The following FHOD3 variants were observed in gnomAD, a reference collection of about 807,000 sequenced individuals.
The protein encoded by FHOD3 is FH1/FH2 domain-containing protein 3.
A neutral mutation model predicts 173.0 loss-of-function variants in FHOD3; 90 were observed. The observed-to-expected ratio is 0.52, with a 90% CI of 0.44 to 0.62. FHOD3 has a LOEUF of 0.62. Ranked by LOEUF, FHOD3 falls within the 20% of genes least tolerant of loss-of-function variation. FHOD3 has a pLI of 0.00. For synonymous variants in FHOD3, 828 were observed against 823.0 expected, an observed-to-expected ratio of 1.01 and a Z score of -0.10; for missense variants, 1,945 against 2,034.7, an observed-to-expected ratio of 0.96 and a Z score of 0.85.
chr18:36,459,658 C>G (rs1482202162), intron 3 of FHOD3, among the ~76,000 whole-genome samples: 2 of 152,008 alleles, frequency 1.3e-5, no homozygotes, highest in African/African-American at 2.4e-5. Context: ...AAAAGCAGAG[C>G]ATTTTGATTT....
At chr18:36,719,660 G>A (rs368428422) in intron 19 of FHOD3, among the ~76,000 whole-genome samples, 21 of 152,276 alleles carry the variant, frequency 1.4e-4, no homozygotes, top group African/African-American at 2.4e-4. Flanking sequence ...AACTCCCTGC[G>A]TTGCTGCATG....
intron 1 of FHOD3, among the ~76,000 whole-genome samples, chr18:36,343,833 G>A (rs538577293): frequency 3.9e-5 from 6 of 152,048 alleles, no homozygotes; most frequent in African/African-American, 1.2e-4. Flanking sequence ...AGACAACCAC[G>A]TATTGTATGA....
At chr18:36,746,213 T>G (rs890349558) in intron 23 of FHOD3, among the ~76,000 whole-genome samples, 39 of 152,210 alleles carry the variant, frequency 2.6e-4, no homozygotes, top group Non-Finnish European at 7.3e-5. Flanking sequence ...ATCTGTCCCT[T>G]GCATGTGTGA....
chr18:36,744,199 T>C lies in FHOD3; in HGVS notation c.4041+6T>C, dbSNP rs1245256325. 1 of 1,609,316 alleles carries C rather than the reference T, an allele frequency of 6.2e-7. No individual in the cohort carries two copies. Among genetic ancestry groups the C allele is most frequent in the Non-Finnish European group, 8.5e-7 (1 of 1,177,384 alleles). On this transcript the variant is annotated splice_donor_region_variant and intron_variant, in intron 23 of 28. Coordinates refer to ENST00000590592, the MANE Select transcript of FHOD3 (RefSeq NM_001281740.3). ...CCATCACCAGGTCAGCCAAGGTATG[T>C]CTGTGGACGCTGAGGAGTGGGCCTG...
Position 36,718,291 on chromosome 18 carries a change from C to T in FHOD3, c.2993C>T (p.Thr998Ile). The T allele has an allele frequency of 1.9e-6, 3 of 1,614,178 alleles. No individual in the cohort carries two copies. The highest frequency in any genetic ancestry group is 2.5e-6 in the Non-Finnish European group (3 of 1,180,042). ...CTCAGAATCCAAGACATGGATTTCACTGACCTGGGGGAGGAGGATGACATT... is the reference window on the plus strand; with the variant it reads ...CTCAGAATCCAAGACATGGATTTCATTGACCTGGGGGAGGAGGATGACATT... ...RELRIQDMDF[T>I]DLGEEDDIDV... Residue 998 changes from threonine (T) to isoleucine (I), a missense_variant, in exon 19 of 29, where the codon ACT (threonine) becomes ATT (isoleucine). Transcript: ENST00000590592.
intron 3 of FHOD3, among the ~76,000 whole-genome samples, chr18:36,443,668 G>T (rs2051283284): frequency 6.6e-6 from 1 of 152,204 alleles, no homozygotes; most frequent in African/African-American, 2.4e-5. Context: ...GGCTGGATGT[G>T]CTCATTGATA....
intron 16 of FHOD3, among the ~76,000 whole-genome samples, chr18:36,688,419 G>A (rs570243914): frequency 1.7e-4 from 26 of 152,316 alleles, no homozygotes; most frequent in African/African-American, 5.5e-4. Flanking sequence ...TTAAGAATTA[G>A]ATGCTTAGAT....
chr18:36,365,126 A>G (rs2046833949), intron 2 of FHOD3, among the ~76,000 whole-genome samples: 1 of 152,158 alleles, frequency 6.6e-6, no homozygotes, highest in Admixed American at 6.5e-5. Context: ...CCTAAGTGTA[A>G]GGGCCAAAAC....
intron 4 of FHOD3, among the ~76,000 whole-genome samples, chr18:36,506,494 T>C (rs1055046356): frequency 6.6e-6 from 1 of 152,230 alleles, no homozygotes; most frequent in Non-Finnish European, 1.5e-5. Context: ...AAATGATGTC[T>C]GACCTCCTTG....
intron 17 of FHOD3, among the ~76,000 whole-genome samples, chr18:36,694,659 C>T (rs2039157198): frequency 6.6e-6 from 1 of 152,194 alleles, no homozygotes; most frequent in Non-Finnish European, 1.5e-5. Context: ...AGTTGTGGTT[C>T]AGCACTTTAT....
intron 28 of FHOD3, chr18:36,777,642 A>G (rs2043777062): frequency 6.6e-6 from 1 of 152,224 alleles, no homozygotes; most frequent in African/African-American, 2.4e-5. Flanking sequence ...AAAGAACATA[A>G]AAGGTTATTA....
At chr18:36,739,902 T>C (rs1160735312) in intron 20 of FHOD3, among the ~76,000 whole-genome samples, 1 of 152,228 alleles carries the variant, frequency 6.6e-6, no homozygotes, top group Admixed American at 6.5e-5. Context: ...TCTGTGTGTA[T>C]GAGCAGGTTT....
intron 3 of FHOD3, among the ~76,000 whole-genome samples, chr18:36,486,809 A>G (rs528828551): frequency 2.6e-5 from 4 of 152,292 alleles, no homozygotes; most frequent in African/African-American, 9.6e-5. Context: ...TTCCCTATCA[A>G]TCTCCGCTAT....
chr18:36,647,854 A>C (rs1313681599), intron 10 of FHOD3, among the ~76,000 whole-genome samples: 1 of 152,262 alleles, frequency 6.6e-6, no homozygotes, highest in Non-Finnish European at 1.5e-5. Flanking sequence ...AAAACCAGGC[A>C]AAGCTAACTT....
At chr18:36,474,271 A>G (rs1271774082) in intron 3 of FHOD3, among the ~76,000 whole-genome samples, 1 of 152,226 alleles carries the variant, frequency 6.6e-6, no homozygotes, top group Non-Finnish European at 1.5e-5. Context: ...CCACGTGCAC[A>G]GGAACATGGC....
chr18:36,508,996 C>T (rs1599433404), intron 4 of FHOD3, among the ~76,000 whole-genome samples: 1 of 152,118 alleles, frequency 6.6e-6, no homozygotes, highest in East Asian at 1.9e-4. Flanking sequence ...AAAAAAATCA[C>T]CTCTGGATCT....
intron 3 of FHOD3, among the ~76,000 whole-genome samples, chr18:36,484,783 C>G (rs936728270): frequency 6.6e-6 from 1 of 152,232 alleles, no homozygotes; most frequent in African/African-American, 2.4e-5. Context: ...GCCCTGCTGT[C>G]GGACCACAAA....
At chr18:36,659,441 T>A (rs2036632919) in intron 14 of FHOD3, among the ~76,000 whole-genome samples, 1 of 152,238 alleles carries the variant, frequency 6.6e-6, no homozygotes, top group Non-Finnish European at 1.5e-5. Flanking sequence ...TAGCTGAAGT[T>A]ACCTGTAGTC....
chr18:36,690,890 A>G (rs1270221238), intron 16 of FHOD3, among the ~76,000 whole-genome samples: 2 of 152,152 alleles, frequency 1.3e-5, no homozygotes, highest in African/African-American at 2.4e-5. Flanking sequence ...CTCTTTATCC[A>G]TGAAGCAACA....
Sources: gnomAD v4.1 joint callset for allele counts (sites outside exome capture counted in the v4.1 genomes callset) on GRCh38, gnomAD v4.1.1 for gene constraint, MANE v1.5 for transcripts, NCBI Gene and HGNC (gene_info 2026-07-23, HGNC 2026-07-21) for gene names.